Variants in SEPTIN14 observed in about 807,000 individuals in gnomAD.
SEPTIN14 encodes septin-14.
Under a neutral mutation model 53.6 loss-of-function variants are expected in SEPTIN14, and 40 were observed. That is an observed-to-expected ratio of 0.75 (90% CI 0.58 to 0.97). The LOEUF (loss-of-function observed/expected upper bound fraction) is 0.97, where lower values mean the gene tolerates loss of function less well. Among genes scored for constraint, SEPTIN14 ranks in the 50% least tolerant of loss-of-function variants. The probability of loss-of-function intolerance (pLI) is 0.00; values close to 1 mark genes in which losing one functional copy is unlikely to be tolerated. For missense variants in SEPTIN14, 471 were observed against 508.2 expected, an observed-to-expected ratio of 0.93 and a Z score of 0.70; for synonymous variants, 138 against 166.8, an observed-to-expected ratio of 0.83 and a Z score of 1.33.
intron 2 of SEPTIN14, among the ~76,000 whole-genome samples, chr7:55,848,377 G>C (rs1224133560): frequency 1.3e-5 from 2 of 152,072 alleles, no homozygotes; most frequent in Non-Finnish European, 2.9e-5. Context: ...GGCCAGGCTG[G>C]TCTCGAACTC....
chr7:55,799,921 A>G (rs1411970136), intron 9 of SEPTIN14, among the ~76,000 whole-genome samples: 1 of 152,202 alleles, frequency 6.6e-6, no homozygotes, highest in Non-Finnish European at 1.5e-5. Context: ...TTCACTGAAC[A>G]GTAGAAGAAT....
intron 9 of SEPTIN14, chr7:55,798,599 G>A: frequency 2.6e-6 from 1 of 381,712 alleles, no homozygotes; most frequent in Admixed American, 2.7e-5. Context: ...CAACAAATGG[G>A]ACAAGGACCA....
chr7:55,836,382 C>A (rs928418884), intron 5 of SEPTIN14, among the ~76,000 whole-genome samples: 5 of 152,158 alleles, frequency 3.3e-5, no homozygotes, highest in African/African-American at 1.2e-4. Context: ...AGTAGAAATA[C>A]ATAAATATAA....
intron 2 of SEPTIN14, among the ~76,000 whole-genome samples, chr7:55,849,213 T>C (rs567919081): frequency 6.6e-6 from 1 of 151,068 alleles, no homozygotes; most frequent in East Asian, 2.0e-4. Flanking sequence ...TAATCCCAGC[T>C]ACTCGGGAGG....
At chr7:55,796,172 C>G in intron 9 of SEPTIN14, 80 bp from the exon 10 acceptor site, 1 of 874,790 alleles carries the variant, frequency 1.1e-6, no homozygotes, top group Non-Finnish European at 1.8e-6. Context: ...TTCTAAATAT[C>G]AAACAAACCC....
chr7:55,845,931 C>A, intron 3 of SEPTIN14, among the ~76,000 whole-genome samples: 1 of 149,266 alleles, frequency 6.7e-6, no homozygotes, highest in Admixed American at 6.7e-5. Flanking sequence ...CGCCTGTAGT[C>A]CCAGTTACTT....
intron 9 of SEPTIN14, among the ~76,000 whole-genome samples, chr7:55,804,652 GT>G (rs1788585744): frequency 1.3e-5 from 2 of 152,088 alleles, no homozygotes; most frequent in African/African-American, 2.4e-5. Context: ...GAAAAAGGAA[GT>G]TTATGTTCCA....
rs1439681995 is a variant in SEPTIN14 at position 55,846,265 on chromosome 7, G to A, written c.175+252C>T. On this transcript the variant is annotated intron_variant, in intron 3 of 9. Coordinates refer to ENST00000388975, the MANE Select transcript of SEPTIN14 (RefSeq NM_207366.3). ...CCCAGCACTTTGGGAAGCTGAGGTGGGCAGATTGCTTGAGCCCAGGCGGCT... is the reference window on the plus strand; with the variant it reads ...CCCAGCACTTTGGGAAGCTGAGGTGAGCAGATTGCTTGAGCCCAGGCGGCT... Among the ~76,000 whole-genome samples the A allele has an allele frequency of 3.3e-5, 5 of 151,084 alleles. No homozygotes were observed. The East Asian group carries it at 9.7e-4, about 29-fold the overall frequency.
chr7:55,861,190 A>C (rs1390950471), intron 2 of SEPTIN14, among the ~76,000 whole-genome samples: 1 of 152,190 alleles, frequency 6.6e-6, no homozygotes, highest in Non-Finnish European at 1.5e-5. Flanking sequence ...AATTCCTCTG[A>C]TGGTTATTCA....
intron 2 of SEPTIN14, chr7:55,850,975 G>A (rs184797925): frequency 6.6e-6 from 1 of 152,192 alleles, no homozygotes; most frequent in Non-Finnish European, 1.5e-5. Context: ...TACTCAGGAG[G>A]CTAAGAGAGG....
intron 5 of SEPTIN14, among the ~76,000 whole-genome samples, chr7:55,839,171 T>C (rs763979560): frequency 2.4e-4 from 37 of 152,134 alleles, no homozygotes; most frequent in Non-Finnish European, 4.3e-4. Context: ...GCGGATCACC[T>C]GAGGTTAGGA....
Position 55,853,091 on chromosome 7 carries a change from C to G in SEPTIN14, c.55-6454G>C, listed in dbSNP as rs182310032. On this transcript the variant is annotated intron_variant, in intron 2 of 9. Transcript: ENST00000388975. Reference sequence around the variant, plus strand: ...AGAGAACCCTCTTACACTGTTGGTGCAAATGTGAATTAGTATGGAGAACGT... The same window carrying G: ...AGAGAACCCTCTTACACTGTTGGTGGAAATGTGAATTAGTATGGAGAACGT... Among the ~76,000 whole-genome samples the G allele has an allele frequency of 2.8e-3, 425 of 152,214 alleles. 5 individuals carry two copies. The highest frequency in any genetic ancestry group is 0.01 in the Middle Eastern group (3 of 294).
At chr7:55,837,970 T>G (rs1378563883) in intron 5 of SEPTIN14, among the ~76,000 whole-genome samples, 1 of 152,220 alleles carries the variant, frequency 6.6e-6, no homozygotes, top group African/African-American at 2.4e-5. Context: ...ATTCAAAAGC[T>G]GCTTCCACTG....
intron 6 of SEPTIN14, among the ~76,000 whole-genome samples, chr7:55,830,310 G>T (rs928592297): frequency 7.4e-6 from 1 of 135,872 alleles, no homozygotes; most frequent in Admixed American, 7.6e-5. Flanking sequence ...TAATCAGAAT[G>T]TTATCCAACT....
chr7:55,798,470 C>T (rs968034775), intron 9 of SEPTIN14: 9 of 289,902 alleles, frequency 3.1e-5, no homozygotes, highest in African/African-American at 1.8e-4. Context: ...TGATGCTTTC[C>T]TCTCCGTCAT....
At chr7:55,805,791 T>C (rs939601324) in intron 8 of SEPTIN14, among the ~76,000 whole-genome samples, 4 of 152,232 alleles carry the variant, frequency 2.6e-5, no homozygotes, top group Non-Finnish European at 4.4e-5. Flanking sequence ...CAGGATATCA[T>C]ACATTTTCAT....
chr7:55,852,877 T>G (rs1789543850), intron 2 of SEPTIN14, among the ~76,000 whole-genome samples: 1 of 152,134 alleles, frequency 6.6e-6, no homozygotes, highest in African/African-American at 2.4e-5. Flanking sequence ...AAGTGGCAAG[T>G]GATTGGAATA....
At chr7:55,811,017 T>C (rs1001994081) in intron 7 of SEPTIN14, 5 of 450,790 alleles carry the variant, frequency 1.1e-5, no homozygotes, top group Non-Finnish European at 2.1e-5. Context: ...AATTTGAAGA[T>C]TCTTATGTTT....
intron 2 of SEPTIN14, among the ~76,000 whole-genome samples, chr7:55,851,629 A>G (rs973686606): frequency 3.9e-5 from 6 of 152,194 alleles, no homozygotes; most frequent in African/African-American, 1.4e-4. Flanking sequence ...GAAAGAATCA[A>G]TATCATTAAA....
Sources: gnomAD v4.1 joint callset for allele counts (sites outside exome capture counted in the v4.1 genomes callset) on GRCh38, gnomAD v4.1.1 for gene constraint, MANE v1.5 for transcripts, NCBI Gene and HGNC (gene_info 2026-07-23, HGNC 2026-07-21) for gene names.